IL1RAPL2: variants seen among roughly 807,000 people sequenced by gnomAD.
IL1RAPL2 encodes the protein interleukin 1 receptor accessory protein like 2, also known as X-linked interleukin-1 receptor accessory protein-like 2.
In IL1RAPL2, 3 loss-of-function variants were observed where a neutral mutation model predicts 44.1. The observed-to-expected ratio is 0.07, with a 90% CI of 0.03 to 0.18. The LOEUF (loss-of-function observed/expected upper bound fraction) is 0.18. Among genes scored for constraint, IL1RAPL2 ranks in the 10% least tolerant of loss-of-function variants. IL1RAPL2 has a pLI of 1.00. For missense variants in IL1RAPL2, 391 were observed against 496.4 expected (o/e 0.79, Z 2.02); for synonymous variants, 181 against 178.8 (o/e 1.01, Z -0.10).
At chrX:104,888,890 C>T (rs1312146665) in intron 2 of IL1RAPL2, among the ~76,000 whole-genome samples, 1 of 111,509 alleles carries the variant, frequency 9.0e-6, no homozygotes, top group Non-Finnish European at 1.9e-5. Context: ...TTACATTTCC[C>T]ACCTCACCTA....
chrX:105,363,829 C>T (rs1381612685), intron 5 of IL1RAPL2, among the ~76,000 whole-genome samples: 1 of 110,515 alleles, frequency 9.0e-6, no homozygotes, highest in Non-Finnish European at 1.9e-5. Flanking sequence ...ATTTGGGTTC[C>T]TTATATGTTT....
At chrX:105,398,923 G>A (rs1175873256) in intron 5 of IL1RAPL2, among the ~76,000 whole-genome samples, 1 of 111,451 alleles carries the variant, frequency 9.0e-6, no homozygotes, top group Non-Finnish European at 1.9e-5. Context: ...GTCCATACTT[G>A]TTGACTTGAC....
chrX:104,866,647 C>T (rs1224051394), intron 2 of IL1RAPL2, among the ~76,000 whole-genome samples: 1 of 111,564 alleles, frequency 9.0e-6, no homozygotes, highest in African/African-American at 3.3e-5. Context: ...TTGTGGATGC[C>T]GGTATTAGAA....
intron 5 of IL1RAPL2, among the ~76,000 whole-genome samples, chrX:105,389,295 A>T (rs1315697570): frequency 1.8e-5 from 2 of 112,296 alleles, no homozygotes; most frequent in African/African-American, 6.5e-5. Flanking sequence ...TGCCTGGTCT[A>T]CAGATAACCA....
chrX:104,818,133 G>T (rs1316565874), intron 2 of IL1RAPL2, among the ~76,000 whole-genome samples: 1 of 109,646 alleles, frequency 9.1e-6, no homozygotes, highest in African/African-American at 3.3e-5. Flanking sequence ...GAGGCGGGAG[G>T]ATCATGAGGT....
intron 5 of IL1RAPL2, among the ~76,000 whole-genome samples, chrX:105,355,860 G>A (rs1203619784): frequency 9.1e-6 from 1 of 110,435 alleles, no homozygotes; most frequent in South Asian, 3.9e-4. Context: ...TTCTTACAGG[G>A]TCGCGGGTAA....
intron 1 of IL1RAPL2, among the ~76,000 whole-genome samples, chrX:104,638,380 T>C (rs1252050553): frequency 9.0e-6 from 1 of 111,587 alleles, no homozygotes; most frequent in African/African-American, 3.2e-5. Context: ...TCTGCTCTGA[T>C]CTTTATTTTT....
chrX:105,375,095 CT>C (rs1569431116), intron 5 of IL1RAPL2, among the ~76,000 whole-genome samples: 1 of 110,867 alleles, frequency 9.0e-6, no homozygotes, highest in East Asian at 2.8e-4. Flanking sequence ...TCAACTTCCT[CT>C]CTTCCTATTT....
chrX:105,728,216 C>T (rs1033797637), intron 7 of IL1RAPL2, among the ~76,000 whole-genome samples: 2 of 111,456 alleles, frequency 1.8e-5, no homozygotes, highest in African/African-American at 6.5e-5. Flanking sequence ...CTGGCAACTC[C>T]TTATCTTTTT....
chrX:105,113,532 TTTATG>T (rs2032822501), intron 2 of IL1RAPL2, among the ~76,000 whole-genome samples: 1 of 112,183 alleles, frequency 8.9e-6, no homozygotes, highest in African/African-American at 3.2e-5. Flanking sequence ...AATGAGATTC[TTTATG>T]TTGTCAGTTT....
intron 4 of IL1RAPL2, among the ~76,000 whole-genome samples, chrX:105,264,477 C>T (rs2034385832): frequency 9.0e-6 from 1 of 111,571 alleles, no homozygotes; most frequent in Non-Finnish European, 1.9e-5. Flanking sequence ...TAGCAGCCAG[C>T]AGCTTACTGG....
At chrX:105,649,712 G>C (rs558882237) in intron 6 of IL1RAPL2, among the ~76,000 whole-genome samples, 7 of 111,515 alleles carry the variant, frequency 6.3e-5, no homozygotes, top group African/African-American at 2.3e-4. Flanking sequence ...TGTTTAAGGA[G>C]TGGGGCAAAG....
At chrX:104,597,882 G>A (rs747352343) in intron 1 of IL1RAPL2, among the ~76,000 whole-genome samples, 1 of 111,992 alleles carries the variant, frequency 8.9e-6, no homozygotes. Flanking sequence ...AACATCAAAT[G>A]AGAAATGCAT....
intron 2 of IL1RAPL2, among the ~76,000 whole-genome samples, chrX:105,017,251 C>T (rs78062653): frequency 2.0e-4 from 22 of 110,145 alleles, no homozygotes; most frequent in Non-Finnish European, 3.6e-4. Flanking sequence ...TAAAAAAAAC[C>T]AGCTGCTGGA....
intron 2 of IL1RAPL2, among the ~76,000 whole-genome samples, chrX:105,185,706 C>CT (rs1353213886): frequency 8.9e-6 from 1 of 112,251 alleles, no homozygotes; most frequent in Non-Finnish European, 1.9e-5. Flanking sequence ...CCTGACATAT[C>CT]TTCAGTCAAG....
intron 6 of IL1RAPL2, among the ~76,000 whole-genome samples, chrX:105,486,340 GCAA>G (rs1816855254): frequency 8.9e-6 from 1 of 111,925 alleles, no homozygotes; most frequent in Non-Finnish European, 1.9e-5. Context: ...AATAAGCCTA[GCAA>G]TGTGAGTACC....
chrX:104,943,146 C>T (rs1442017381), intron 2 of IL1RAPL2, among the ~76,000 whole-genome samples: 4 of 111,235 alleles, frequency 3.6e-5, no homozygotes, highest in African/African-American at 1.3e-4. Flanking sequence ...ATATTGGTCT[C>T]AAATTCTCTT....
At chrX:105,432,067 T>G (rs1244369266) in intron 5 of IL1RAPL2, among the ~76,000 whole-genome samples, 2 of 109,194 alleles carry the variant, frequency 1.8e-5, no homozygotes, top group Non-Finnish European at 3.8e-5. Context: ...GTTCTAAGAT[T>G]TCAGTACACA....
chrX:104,977,199 C>A (rs952118958), intron 2 of IL1RAPL2, among the ~76,000 whole-genome samples: 9 of 111,690 alleles, frequency 8.1e-5, no homozygotes, highest in African/African-American at 2.6e-4. Context: ...TCCCCAGGTT[C>A]CCTTAACTTA....
Sources: gnomAD v4.1 joint callset for allele counts (sites outside exome capture counted in the v4.1 genomes callset) on GRCh38, gnomAD v4.1.1 for gene constraint, MANE v1.5 for transcripts, NCBI Gene and HGNC (gene_info 2026-07-23, HGNC 2026-07-21) for gene names.